The following PSIP1 variants were observed in gnomAD, a reference collection of about 807,000 sequenced individuals.
PSIP1 encodes PC4 and SFRS1-interacting protein.
Under a neutral mutation model 74.7 loss-of-function variants are expected in PSIP1, and 19 were observed. The ratio of observed to expected loss-of-function variants is 0.25; its 90% CI spans 0.18 to 0.37. PSIP1 has a LOEUF of 0.37. PSIP1 is among the 10% of genes least tolerant of loss of function. PSIP1 has a pLI of 1.00. For synonymous variants in PSIP1, 222 were observed against 195.3 expected (o/e 1.14, Z -1.14); for missense variants, 601 against 614.3 (o/e 0.98, Z 0.23).
chr9:15,474,885 A>G (rs1038206280), intron 8 of PSIP1, among the ~76,000 whole-genome samples: 3 of 152,220 alleles, frequency 2.0e-5, no homozygotes, highest in African/African-American at 7.2e-5. Flanking sequence ...AGCTGGAATA[A>G]GCCGTTTAAA....
At chr9:15,508,025 T>C (rs1454669391) in intron 2 of PSIP1, among the ~76,000 whole-genome samples, 3 of 152,240 alleles carry the variant, frequency 2.0e-5, no homozygotes, top group Non-Finnish European at 4.4e-5. Flanking sequence ...CTCTTTCTGC[T>C]AGCAAACAGC....
At chr9:15,501,892 T>G in intron 3 of PSIP1, among the ~76,000 whole-genome samples, 1 of 144,082 alleles carries the variant, frequency 6.9e-6, no homozygotes. Flanking sequence ...CCATATACTT[T>G]AAATCTGGGG....
At chr9:15,494,884 CT>C (rs1164427844) in intron 3 of PSIP1, among the ~76,000 whole-genome samples, 1 of 152,150 alleles carries the variant, frequency 6.6e-6, no homozygotes, top group East Asian at 1.9e-4. Context: ...TAACATTCCT[CT>C]TATGTAACAG....
chr9:15,469,662 T>C (rs1390771133), intron 11 of PSIP1, among the ~76,000 whole-genome samples: 2 of 152,162 alleles, frequency 1.3e-5, no homozygotes, highest in African/African-American at 2.4e-5. Flanking sequence ...CCAAGGGATT[T>C]GTCTGAAATG....
In PSIP1 at chr9:15,468,626, A is replaced by G. The variant is rs2035728464; in HGVS notation, c.1420+4T>C. 6.2e-7 allele frequency: 1 copy of G among 1,613,374 alleles called. No individual in the cohort carries two copies. The highest frequency in any genetic ancestry group is 1.3e-5 in the African/African-American group (1 of 74,890). On this transcript the variant is annotated splice_donor_region_variant and intron_variant, in intron 14 of 15. Transcript: ENST00000380733. ...TGTGAAATTGTTGGCTTTTTACCAC[A>G]TACCTGTTTGTTCCTTCTCTAGCTT...
chr9:15,485,154 T>TA (rs2036505732), intron 6 of PSIP1, among the ~76,000 whole-genome samples: 1 of 152,186 alleles, frequency 6.6e-6, no homozygotes, highest in African/African-American at 2.4e-5. Flanking sequence ...ATCACTTCTG[T>TA]AAGTTCCAAG....
chr9:15,504,462 T>G (rs777109133), intron 3 of PSIP1, among the ~76,000 whole-genome samples: 5 of 152,120 alleles, frequency 3.3e-5, no homozygotes, highest in Non-Finnish European at 7.4e-5. Context: ...TCAGGATATA[T>G]AGAAGTATAA....
intron 3 of PSIP1, among the ~76,000 whole-genome samples, chr9:15,501,864 T>TATATATATATATAA (rs1338605750): frequency 1.4e-5 from 2 of 146,448 alleles, no homozygotes; most frequent in African/African-American, 5.3e-5. Context: ...TATATATATA[T>TATATATATATATAA]ATAAAACGCA....
At chr9:15,481,461 G>A (rs758245825) in intron 6 of PSIP1, among the ~76,000 whole-genome samples, 9 of 152,200 alleles carry the variant, frequency 5.9e-5, no homozygotes, top group African/African-American at 1.9e-4. Context: ...GCTTTGGGAG[G>A]CTGGGGCTAG....
At chr9:15,479,740 T>C in intron 6 of PSIP1, 53 bp from the exon 7 acceptor site, 1 of 1,421,928 alleles carries the variant, frequency 7.0e-7, no homozygotes, top group Non-Finnish European at 9.9e-7. Flanking sequence ...GCACTCAAAG[T>C]TTAATTCGAT....
intron 8 of PSIP1, among the ~76,000 whole-genome samples, chr9:15,477,305 A>G (rs1263015620): frequency 6.6e-6 from 1 of 152,148 alleles, no homozygotes; most frequent in African/African-American, 2.4e-5. Context: ...AAATCAAGCT[A>G]TTTACCATAC....
intron 7 of PSIP1, among the ~76,000 whole-genome samples, 157 bp from the exon 8 acceptor site, chr9:15,478,709 ACCATGGT>A (rs2036206057): frequency 6.6e-6 from 1 of 152,122 alleles, no homozygotes; most frequent in Admixed American, 6.6e-5. Flanking sequence ...TACCTCCCCC[ACCATGGT>A]TAAAATGAGC....
Position 15,502,097 on chromosome 9 carries a change from T to A in PSIP1, c.149+4464A>T, listed in dbSNP as rs181254721. 2.0e-3 allele frequency among the ~76,000 whole-genome samples: 297 copies of A among 152,092 alleles called. 1 individual carries two copies. The highest frequency in any genetic ancestry group is 0.01 in the Middle Eastern group (3 of 294). ...CTAGTCTGAGTGCTCCTTATAAGAA[T>A]CTAAGTAATGGCTGCTGATCTGAGG... On this transcript the variant is annotated intron_variant, in intron 3 of 15. Coordinates refer to ENST00000380733, the MANE Select transcript of PSIP1 (RefSeq NM_033222.5).
chr9:15,472,258 G>A, intron 10 of PSIP1: 1 of 997,244 alleles, frequency 1.0e-6, no homozygotes, highest in Non-Finnish European at 1.2e-6. Context: ...GTGGTGTGAT[G>A]AATAAGGGCA....
intron 3 of PSIP1, among the ~76,000 whole-genome samples, chr9:15,497,747 T>C (rs2037150539): frequency 6.6e-6 from 1 of 152,156 alleles, no homozygotes. Flanking sequence ...TGGTTTCTTT[T>C]TGGAGAAATG....
At chr9:15,486,570 A>G (rs1386193960) in intron 5 of PSIP1, among the ~76,000 whole-genome samples, 1 of 152,148 alleles carries the variant, frequency 6.6e-6, no homozygotes. Flanking sequence ...CCTTAACACT[A>G]CCGCACCCTA....
chr9:15,465,650 G>A lies in PSIP1; in HGVS notation c.1533-70C>T, dbSNP rs1031554970. On this transcript the variant is annotated intron_variant, in intron 15 of 15. Transcript: ENST00000380733. ...CTGATGAAGGAAAAAAAGACATTAA[G>A]TCTGCATTATATTTTTAAACCCATG... The A allele has an allele frequency of 4.7e-6, 6 of 1,282,756 alleles. No homozygotes were observed. In the African/African-American group the frequency reaches 7.6e-5, roughly 16 times the overall value. 79.5% of individuals were successfully genotyped at this position (1,282,756 alleles called of 1,614,324 possible). A position where few individuals can be genotyped will look rare whatever the true frequency, so the allele number is the denominator to read the frequency against.
At chr9:15,479,361 C>A (rs1308118101) in intron 7 of PSIP1, among the ~76,000 whole-genome samples, 1 of 152,146 alleles carries the variant, frequency 6.6e-6, no homozygotes, top group Non-Finnish European at 1.5e-5. Context: ...TCCCCACAGC[C>A]TCTCTTACCA....
intron 6 of PSIP1, among the ~76,000 whole-genome samples, chr9:15,484,077 A>C (rs2132107909): frequency 6.7e-6 from 1 of 150,252 alleles, no homozygotes; most frequent in South Asian, 2.1e-4. Context: ...GGTTGCAGTG[A>C]GCTAAGATCA....
Sources: allele counts gnomAD v4.1 joint callset (sites outside exome capture counted in the v4.1 genomes callset), GRCh38; gene constraint gnomAD v4.1.1; transcripts MANE v1.5; gene names NCBI Gene and HGNC (gene_info 2026-07-23, HGNC 2026-07-21).